TPMT: variants seen among roughly 807,000 people sequenced by gnomAD.
TPMT encodes the protein thiopurine S-methyltransferase, also known as S-adenosyl-L-methionine:thiopurine S-methyltransferase.
In TPMT, 18 loss-of-function variants were observed where a neutral mutation model predicts 34.2. The ratio of observed to expected loss-of-function variants is 0.53; its 90% CI spans 0.36 to 0.78. The LOEUF (loss-of-function observed/expected upper bound fraction) is 0.78. Among genes scored for constraint, TPMT ranks in the 30% least tolerant of loss-of-function variants. TPMT has a pLI of 0.00. For synonymous variants in TPMT, 69 were observed against 92.4 expected (o/e 0.75, Z 1.45); for missense variants, 265 against 288.1 (o/e 0.92, Z 0.58).
rs1784312874 is a variant in TPMT at position 18,149,538 on chromosome 6, G to A, written c.-44-367C>T. 6.6e-6 allele frequency among the ~76,000 whole-genome samples: 1 copy of A among 151,442 alleles called. No homozygotes were observed. Among genetic ancestry groups the A allele is most frequent in the Non-Finnish European group, 1.5e-5 (1 of 67,920 alleles). ...GGCTGGAGACCCTGGCTTACTGCAA[G>A]CTTCAACCTCCTGGGCTCAAGCGAT... On this transcript the variant is annotated intron_variant, in intron 1 of 8. Transcript: ENST00000309983. This position sits in a 1 kb window ranked among gnomAD's most constrained non-coding sequence, Gnocchi z 5.0.
Position 18,139,677 on chromosome 6 carries a change from A to T in TPMT, c.407T>A (p.Phe136Tyr). The change falls in exon 5 of 9, where the codon TTT (phenylalanine) becomes TAT (tyrosine). Residue 136 changes from phenylalanine (F) to tyrosine (Y), a missense_variant. Coordinates refer to ENST00000309983, the MANE Select transcript of TPMT (RefSeq NM_000367.5). This position sits in a 1 kb window ranked among gnomAD's most constrained non-coding sequence, Gnocchi z 4.2. ...GNISLYCCSI[F>Y]DLPRTNIGKF... ...GTATTCAACCTACCTGGGAAGATCA[A>T]AAATACTGCAACAGTACAATGAAAT... The T allele has an allele frequency of 6.2e-7, 1 of 1,613,852 alleles. No homozygotes were observed. The highest frequency in any genetic ancestry group is 1.3e-5 in the African/African-American group (1 of 75,052).
chr6:18,130,835 T>A lies in TPMT; in HGVS notation c.626-55A>T, dbSNP rs762242358. ...TACTATGAAGAATGACATCAGGGAT[T>A]CTTTTAAAAATACTCAAAATTGGCT... On this transcript the variant is annotated intron_variant, in intron 8 of 8. Transcript: ENST00000309983. The surrounding 1 kb of genome is among the most constrained non-coding windows in gnomAD (Gnocchi z 4.2). 9.4e-6 allele frequency: 14 copies of A among 1,484,240 alleles called. No homozygotes were observed. The highest frequency in any genetic ancestry group is 1.3e-5 in the Non-Finnish European group (14 of 1,064,300). 91.9% of individuals were successfully genotyped at this position (1,484,240 alleles called of 1,614,324 possible).
At position 18,150,855 on chromosome 6, in the gene TPMT, A is replaced by G. The variant is rs958779291; in HGVS notation, c.-44-1684T>C. Among the ~76,000 whole-genome samples the G allele has an allele frequency of 6.6e-6, 1 of 152,172 alleles. No homozygotes were observed. Among genetic ancestry groups the G allele is most frequent in the Admixed American group, 6.5e-5 (1 of 15,276 alleles). On this transcript the variant is annotated intron_variant, in intron 1 of 8. Coordinates refer to ENST00000309983, the MANE Select transcript of TPMT (RefSeq NM_000367.5). This position sits in a 1 kb window ranked among gnomAD's most constrained non-coding sequence, Gnocchi z 5.3. Reference sequence around the variant, plus strand: ...CAGCCTCCTGAGTAGCTGGGATTACAGGCATGCACTACCAGGTCCAGCTAA... The same window carrying G: ...CAGCCTCCTGAGTAGCTGGGATTACGGGCATGCACTACCAGGTCCAGCTAA...
Position 18,130,310 on chromosome 6 carries a change from C to T in TPMT, c.*358G>A, listed in dbSNP as rs1399085505. 1 of 182,048 alleles carries T rather than the reference C, an allele frequency of 5.5e-6. No individual in the cohort carries two copies. The highest frequency in any genetic ancestry group is 1.6e-4 in the East Asian group (1 of 6,096). The allele number at this position is 182,048 out of a possible 1,614,324, so 11.3% of individuals were successfully genotyped here. ...CAAAAAAATAAAACAAAATAAATGC[C>T]AGTTTTTCTGTGTGTATTATATTTA... On this transcript the variant is annotated 3_prime_UTR_variant, in exon 9 of 9. Coordinates refer to ENST00000309983, the MANE Select transcript of TPMT (RefSeq NM_000367.5). This position sits in a 1 kb window ranked among gnomAD's most constrained non-coding sequence, Gnocchi z 4.2.
rs1784042393 is a variant in TPMT at position 18,136,493 on chromosome 6, A to AGT, written c.494+2468_494+2469dup. ...AATATTTGTTGAATAGCTGAATGAA[A>AGT]GTAACAGAATTGATCTTTAAAGATT... On this transcript the variant is annotated intron_variant, in intron 6 of 8. Transcript: ENST00000309983. This position sits in a 1 kb window ranked among gnomAD's most constrained non-coding sequence, Gnocchi z 4.7. 6.6e-6 allele frequency among the ~76,000 whole-genome samples: 1 copy of AGT among 152,232 alleles called. No individual in the cohort carries two copies. The highest frequency in any genetic ancestry group is 2.4e-5 in the African/African-American group (1 of 41,462).
rs1386774722 is a variant in TPMT, at chr6:18,140,242, A to AC, written c.367-526dup. Among the ~76,000 whole-genome samples, 2 of 152,192 alleles carry AC rather than the reference A, an allele frequency of 1.3e-5. No homozygotes were observed. The highest frequency in any genetic ancestry group is 4.1e-4 in the South Asian group (2 of 4,832). On this transcript the variant is annotated intron_variant, in intron 4 of 8. Transcript: ENST00000309983. The surrounding 1 kb of genome is among the most constrained non-coding windows in gnomAD (Gnocchi z 4.7). ...AGATTTGAATTCGACACAGTCTCTG[A>AC]CCACAGTGAGGACAGACTAGAGCAG...
intron 3 of TPMT, among the ~76,000 whole-genome samples, chr6:18,144,658 C>A (rs971645394): frequency 1.3e-5 from 2 of 151,238 alleles, no homozygotes; most frequent in Admixed American, 6.6e-5. Flanking sequence ...GGATTACAGG[C>A]GTGAGCCACC....
Position 18,145,280 on chromosome 6 carries a change from T to G in TPMT, c.234-1552A>C, listed in dbSNP as rs36066587. On this transcript the variant is annotated intron_variant, in intron 3 of 8. Transcript: ENST00000309983. The surrounding 1 kb of genome is among the most constrained non-coding windows in gnomAD (Gnocchi z 5.6). Reference sequence around the variant, plus strand: ...AAAAACAGGAACCTAATAATAACAGTTTTATACATGTTAAATGGTTGAGAA... The same window carrying G: ...AAAAACAGGAACCTAATAATAACAGGTTTATACATGTTAAATGGTTGAGAA... Among the ~76,000 whole-genome samples, 1 of 152,110 alleles carries G rather than the reference T, an allele frequency of 6.6e-6. No homozygotes were observed.
In TPMT at chr6:18,153,721, G is replaced by C. The variant is rs1326741050; in HGVS notation, c.-45+1312C>G. 6.6e-6 allele frequency among the ~76,000 whole-genome samples: 1 copy of C among 152,214 alleles called. No homozygotes were observed. The highest frequency in any genetic ancestry group is 1.5e-5 in the Non-Finnish European group (1 of 68,032). On this transcript the variant is annotated intron_variant, in intron 1 of 8. Coordinates refer to ENST00000309983, the MANE Select transcript of TPMT (RefSeq NM_000367.5). This position sits in a 1 kb window ranked among gnomAD's most constrained non-coding sequence, Gnocchi z 4.2. ...AAGTATCTGATTTATATTGGGTACA[G>C]AAAAGCAAAAGAATGTTGCAGTTTT...
At chr6:18,141,017 A>C (rs1784128100) in intron 4 of TPMT, among the ~76,000 whole-genome samples, 1 of 152,202 alleles carries the variant, frequency 6.6e-6, no homozygotes, top group Non-Finnish European at 1.5e-5. Flanking sequence ...TGGAGGCAGG[A>C]GAACAGCTGG....
chr6:18,139,790 C>T lies in TPMT; in HGVS notation c.367-73G>A. 1.0e-6 allele frequency: 1 copy of T among 964,842 alleles called. No homozygotes were observed. Among genetic ancestry groups the T allele is most frequent in the East Asian group, 2.6e-5 (1 of 38,142 alleles). 59.8% of individuals were successfully genotyped at this position (964,842 alleles called of 1,614,324 possible). ...TACTTGAATAGTCAAGGAAAGAGGGCCAAGCAAAGCAAAAGTTCTAGGGAA... is the reference window on the plus strand; with the variant it reads ...TACTTGAATAGTCAAGGAAAGAGGGTCAAGCAAAGCAAAAGTTCTAGGGAA... On this transcript the variant is annotated intron_variant, in intron 4 of 8. Transcript: ENST00000309983. The surrounding 1 kb of genome is among the most constrained non-coding windows in gnomAD (Gnocchi z 4.2).
intron 3 of TPMT, among the ~76,000 whole-genome samples, chr6:18,144,334 T>C (rs1241809643): frequency 6.6e-6 from 1 of 152,224 alleles, no homozygotes. Flanking sequence ...AATTTGTATA[T>C]TTTATCATAT....
rs1457838621 is a variant in TPMT at position 18,135,963 on chromosome 6, A to G, written c.495-2074T>C. Among the ~76,000 whole-genome samples, 1 of 152,110 alleles carries G rather than the reference A, an allele frequency of 6.6e-6. No individual in the cohort carries two copies. The highest frequency in any genetic ancestry group is 2.4e-5 in the African/African-American group (1 of 41,438). On this transcript the variant is annotated intron_variant, in intron 6 of 8. Coordinates refer to ENST00000309983, the MANE Select transcript of TPMT (RefSeq NM_000367.5). The surrounding 1 kb of genome is among the most constrained non-coding windows in gnomAD (Gnocchi z 5.0). ...CTTCTTCCATTCATTTATTTAAACA[A>G]CATTTATTAAGCTCTTACTAGGTGC...
chr6:18,129,599 A>C lies in TPMT; in HGVS notation c.*1069T>G, dbSNP rs1014264937. The C allele has an allele frequency of 6.6e-6, 1 of 152,238 alleles. No homozygotes were observed. Among genetic ancestry groups the C allele is most frequent in the African/African-American group, 2.4e-5 (1 of 41,458 alleles). 9.4% of individuals were successfully genotyped at this position (152,238 alleles called of 1,614,324 possible). On this transcript the variant is annotated 3_prime_UTR_variant, in exon 9 of 9. Coordinates refer to ENST00000309983, the MANE Select transcript of TPMT (RefSeq NM_000367.5). ...AATGTGGTTAAAGAAGAACTGAGAAATCTAACCTTTCATAATAAACAGCCA... is the reference window on the plus strand; with the variant it reads ...AATGTGGTTAAAGAAGAACTGAGAACTCTAACCTTTCATAATAAACAGCCA...
Position 18,149,193 on chromosome 6 carries a change from T to C in TPMT, c.-44-22A>G. On this transcript the variant is annotated intron_variant, in intron 1 of 8. Coordinates refer to ENST00000309983, the MANE Select transcript of TPMT (RefSeq NM_000367.5). The surrounding 1 kb of genome is among the most constrained non-coding windows in gnomAD (Gnocchi z 5.0). ...GTGCCTACGTGGAAAATATTTGCAA[T>C]GTTGTCATTTAAGGTCATTGGAATT... 1 of 1,601,502 alleles carries C rather than the reference T, an allele frequency of 6.2e-7. No individual in the cohort carries two copies. Among genetic ancestry groups the C allele is most frequent in the Non-Finnish European group, 8.5e-7 (1 of 1,170,252 alleles).
rs991405055 is a variant in TPMT at position 18,136,928 on chromosome 6, G to C, written c.494+2035C>G. 6.6e-6 allele frequency among the ~76,000 whole-genome samples: 1 copy of C among 152,128 alleles called. No individual in the cohort carries two copies. The highest frequency in any genetic ancestry group is 2.1e-4 in the South Asian group (1 of 4,824). On this transcript the variant is annotated intron_variant, in intron 6 of 8. Transcript: ENST00000309983. This position sits in a 1 kb window ranked among gnomAD's most constrained non-coding sequence, Gnocchi z 4.7. ...GGATGGTGGTCCCTTGGGGAATCAC[G>C]ACTTTTAGGCATGCAAGGAGGATGG...
chr6:18,139,414 A>T lies in TPMT; in HGVS notation c.419+251T>A, dbSNP rs1784099969. Among the ~76,000 whole-genome samples the T allele has an allele frequency of 6.6e-6, 1 of 152,216 alleles. No homozygotes were observed. The highest frequency in any genetic ancestry group is 1.5e-5 in the Non-Finnish European group (1 of 68,038). ...CAGGCCCAGGTGCAAGGTAGAAGAC[A>T]CTGTCTTACTCACCTTTCTTTTTCC... On this transcript the variant is annotated intron_variant, in intron 5 of 8. Coordinates refer to ENST00000309983, the MANE Select transcript of TPMT (RefSeq NM_000367.5). This position sits in a 1 kb window ranked among gnomAD's most constrained non-coding sequence, Gnocchi z 4.2.
intron 1 of TPMT, among the ~76,000 whole-genome samples, chr6:18,151,164 AT>A (rs1784346807): frequency 7.0e-6 from 1 of 142,678 alleles, no homozygotes; most frequent in East Asian, 2.0e-4. Flanking sequence ...CTTAATTCTC[AT>A]TTTTTTAACT....
Position 18,143,848 on chromosome 6 carries a change from AG to A in TPMT, c.234-121del, listed in dbSNP as rs1407865301. The A allele has an allele frequency of 7.6e-7, 1 of 1,308,578 alleles. No individual in the cohort carries two copies. The highest frequency in any genetic ancestry group is 1.5e-5 in the African/African-American group (1 of 67,274). 81.1% of individuals were successfully genotyped at this position (1,308,578 alleles called of 1,614,324 possible). ...GGAATTTATATGAATTCAGGTTCAT[AG>A]GGTTTCAAAGAACATGCAGGAAAGC... On this transcript the variant is annotated intron_variant, in intron 3 of 8. Transcript: ENST00000309983. This position sits in a 1 kb window ranked among gnomAD's most constrained non-coding sequence, Gnocchi z 6.1.
Sources: gnomAD v4.1 joint callset for allele counts (sites outside exome capture counted in the v4.1 genomes callset) on GRCh38, gnomAD v4.1.1 for gene constraint, Gnocchi (gnomAD v3.1) non-coding constraint, MANE v1.5 for transcripts, NCBI Gene and HGNC (gene_info 2026-07-23, HGNC 2026-07-21) for gene names.